Variants in PPP2R5C observed in about 807,000 individuals in gnomAD.
PPP2R5C encodes the protein serine/threonine-protein phosphatase 2A 56 kDa regulatory subunit gamma isoform.
A neutral mutation model predicts 68.9 loss-of-function variants in PPP2R5C; 7 were observed. The ratio of observed to expected loss-of-function variants is 0.10; its 90% confidence interval spans 0.06 to 0.19. The LOEUF (loss-of-function observed/expected upper bound fraction) is 0.19. PPP2R5C is among the 10% of genes least tolerant of loss of function. PPP2R5C has a pLI of 1.00. For synonymous variants in PPP2R5C, 210 were observed against 222.2 expected (o/e 0.95, Z 0.49); for missense variants, 348 against 641.3 (o/e 0.54, Z 4.94).
intron 3 of PPP2R5C, among the ~76,000 whole-genome samples, chr14:101,793,065 A>G (rs976401358): frequency 2.0e-5 from 3 of 152,010 alleles, no homozygotes; most frequent in African/African-American, 7.3e-5. Flanking sequence ...TTTTGTAAAT[A>G]TGGGGTTTCA....
At chr14:101,857,466 A>C (rs2042490088) in intron 2 of PPP2R5C, among the ~76,000 whole-genome samples, 1 of 152,208 alleles carries the variant, frequency 6.6e-6, no homozygotes, top group African/African-American at 2.4e-5. Context: ...ATTGGCTGAG[A>C]AGGCCTTCCT....
Position 101,909,570 on chromosome 14 carries a change from C to A in PPP2R5C, c.1152-19C>A. 6.5e-7 allele frequency: 1 copy of A among 1,544,428 alleles called. No individual in the cohort carries two copies. Among genetic ancestry groups the A allele is most frequent in the Non-Finnish European group, 8.9e-7 (1 of 1,118,354 alleles). On this transcript the variant is annotated intron_variant, in intron 10 of 13. Transcript: ENST00000334743. ...CAGGAATGCGTGCTCCCAGGCTCAC[C>A]GTGCGGTTTTCTTTATAGGACAATA...
chr14:101,895,500 G>A (rs2045259689), intron 8 of PPP2R5C, among the ~76,000 whole-genome samples: 1 of 152,042 alleles, frequency 6.6e-6, no homozygotes, highest in Admixed American at 6.6e-5. Context: ...GGCCCCTGCT[G>A]ACCTGTAATC....
chr14:101,840,732 A>G (rs1296251350), intron 1 of PPP2R5C, among the ~76,000 whole-genome samples: 5 of 152,198 alleles, frequency 3.3e-5, no homozygotes, highest in Non-Finnish European at 7.3e-5. Context: ...CCCTGTTACA[A>G]GATCAAGAAC....
intron 3 of PPP2R5C, among the ~76,000 whole-genome samples, chr14:101,799,290 G>A: frequency 6.6e-6 from 1 of 152,184 alleles, no homozygotes; most frequent in South Asian, 2.1e-4. Context: ...ACTGCTTCCT[G>A]CATTTTGCTC....
At chr14:101,911,391 A>G (rs1363401774) in intron 11 of PPP2R5C, among the ~76,000 whole-genome samples, 3 of 152,220 alleles carry the variant, frequency 2.0e-5, no homozygotes, top group African/African-American at 4.8e-5. Context: ...CAGTCAGGAA[A>G]GGGCCGGGGA....
chr14:101,864,901 G>A (rs2042964710), intron 2 of PPP2R5C, among the ~76,000 whole-genome samples: 1 of 152,208 alleles, frequency 6.6e-6, no homozygotes, highest in Non-Finnish European at 1.5e-5. Context: ...GTGTCAGAAT[G>A]ACGCATGAAG....
chr14:101,879,282 A>G lies in PPP2R5C; in HGVS notation c.295-2879A>G, dbSNP rs2043994958. On this transcript the variant is annotated intron_variant, in intron 2 of 13. Transcript: ENST00000334743. The surrounding 1 kb of genome is among the most constrained non-coding windows in gnomAD (Gnocchi z 4.2). ...GAATGGTGGTCTCTTCCTCTGTGGCATGTCTGTGACTCTTGGGCAGCAGGC... is the reference window on the plus strand; with the variant it reads ...GAATGGTGGTCTCTTCCTCTGTGGCGTGTCTGTGACTCTTGGGCAGCAGGC... 6.6e-6 allele frequency: 1 copy of G among 152,526 alleles called. No individual in the cohort carries two copies. Among genetic ancestry groups the G allele is most frequent in the Non-Finnish European group, 1.5e-5 (1 of 68,348 alleles). 9.4% of individuals were successfully genotyped at this position (152,526 alleles called of 1,614,324 possible).
chr14:101,845,931 C>T (rs984126822), intron 1 of PPP2R5C, among the ~76,000 whole-genome samples: 10 of 152,150 alleles, frequency 6.6e-5, no homozygotes, highest in African/African-American at 2.2e-4. Flanking sequence ...GCAGACCAGC[C>T]CCACGTTACC....
intron 3 of PPP2R5C, among the ~76,000 whole-genome samples, chr14:101,799,871 A>G (rs992229477): frequency 6.6e-6 from 1 of 152,210 alleles, no homozygotes; most frequent in Admixed American, 6.5e-5. Flanking sequence ...CTTGGTTCTC[A>G]TCACAGCCCT....
At chr14:101,818,758 T>G (rs980372714) in intron 1 of PPP2R5C, 10 of 363,796 alleles carry the variant, frequency 2.7e-5, no homozygotes, top group South Asian at 1.3e-4. Flanking sequence ...TTGAAATAAG[T>G]GGGGTCCCAA....
chr14:101,836,606 A>G (rs1266571330), intron 1 of PPP2R5C: 4 of 510,482 alleles, frequency 7.8e-6, no homozygotes, highest in Admixed American at 3.3e-5. Context: ...TTTCTAGGCT[A>G]GCAAAGCTTA....
intron 1 of PPP2R5C, chr14:101,819,073 C>T (rs2039886308): frequency 6.5e-7 from 1 of 1,550,102 alleles, no homozygotes; most frequent in African/African-American, 1.4e-5. Context: ...TTTTGGTGGG[C>T]TTCAAGGAAG....
chr14:101,903,562 C>G (rs992861427), intron 9 of PPP2R5C, among the ~76,000 whole-genome samples: 7 of 152,258 alleles, frequency 4.6e-5, no homozygotes, highest in Non-Finnish European at 1.0e-4. Flanking sequence ...GTCTGTGTCC[C>G]CCACGCACGC....
At chr14:101,793,079 T>C (rs1003660025) in intron 3 of PPP2R5C, among the ~76,000 whole-genome samples, 1 of 152,146 alleles carries the variant, frequency 6.6e-6, no homozygotes, top group African/African-American at 2.4e-5. Context: ...GGTTTCACTA[T>C]GTTGGCCAGG....
chr14:101,849,105 A>G (rs147209738), intron 1 of PPP2R5C, among the ~76,000 whole-genome samples: 262 of 152,300 alleles, frequency 1.7e-3, no homozygotes, highest in African/African-American at 5.7e-3. Context: ...ATTCATCTCT[A>G]TCGCTTTGGA....
intron 8 of PPP2R5C, among the ~76,000 whole-genome samples, chr14:101,900,910 T>G (rs2045647045): frequency 6.6e-6 from 1 of 152,214 alleles, no homozygotes; most frequent in South Asian, 2.1e-4. Context: ...CCAGCACTGC[T>G]CAGGCTGTTG....
At chr14:101,894,654 G>T in intron 8 of PPP2R5C, 94 bp downstream of exon 10, 2 of 1,229,612 alleles carry the variant, frequency 1.6e-6, no homozygotes, top group South Asian at 1.2e-5. Flanking sequence ...CATTCATTCA[G>T]ACTTTTTCAT....
intron 2 of PPP2R5C, among the ~76,000 whole-genome samples, chr14:101,773,602 G>A (rs558813020): frequency 1.9e-4 from 29 of 152,276 alleles, no homozygotes; most frequent in Non-Finnish European, 3.5e-4. Flanking sequence ...GAGGGATGGA[G>A]GTAGGGAGCC....
Sources: allele counts gnomAD v4.1 joint callset (sites outside exome capture counted in the v4.1 genomes callset), GRCh38; gene constraint gnomAD v4.1.1; non-coding constraint Gnocchi (gnomAD v3.1); transcripts MANE v1.5; gene names NCBI Gene and HGNC (gene_info 2026-07-23, HGNC 2026-07-21).